The following VPS13D variants were observed in gnomAD, a reference collection of about 807,000 sequenced individuals.
VPS13D encodes intermembrane lipid transfer protein VPS13D.
In VPS13D, 187 loss-of-function variants were observed where a neutral mutation model predicts 461.9. That is an observed-to-expected ratio of 0.40 (90% CI 0.36 to 0.46). The LOEUF (loss-of-function observed/expected upper bound fraction) is 0.46. Ranked by LOEUF, VPS13D falls within the 20% of genes least tolerant of loss-of-function variation. The pLI is 0.60. For missense variants in VPS13D, 4,711 were observed against 5,364.9 expected, an observed-to-expected ratio of 0.88 and a Z score of 3.81; for synonymous variants, 1,951 against 1,986.3, an observed-to-expected ratio of 0.98 and a Z score of 0.47.
rs1230197113 is a variant in VPS13D, at chr1:12,400,974, A to G, written c.11785-634A>G. Reference sequence around the variant, plus strand: ...CACCTGCGCGCGCGCACACACACACACACACACACACACACACACACACAC... The same window carrying G: ...CACCTGCGCGCGCGCACACACACACGCACACACACACACACACACACACAC... On this transcript the variant is annotated intron_variant, in intron 61 of 69. Transcript: ENST00000620676. Among the ~76,000 whole-genome samples, 280 of 148,086 alleles carry G rather than the reference A, an allele frequency of 1.9e-3. 1 individual carries two copies. The highest frequency in any genetic ancestry group is 6.7e-3 in the African/African-American group (257 of 38,386).
chr1:12,445,079 C>G (rs2100356365), intron 65 of VPS13D, among the ~76,000 whole-genome samples: 1 of 152,202 alleles, frequency 6.6e-6, no homozygotes, highest in South Asian at 2.1e-4. Context: ...GATTCTTTTT[C>G]TTGGGATAGA....
At chr1:12,437,066 G>A (rs1645071517) in intron 65 of VPS13D, among the ~76,000 whole-genome samples, 1 of 152,168 alleles carries the variant, frequency 6.6e-6, no homozygotes, top group East Asian at 1.9e-4. Flanking sequence ...GTGTGTGTGT[G>A]GCGGCGGGAG....
At chr1:12,326,566 C>T (rs1438371184) in intron 35 of VPS13D, among the ~76,000 whole-genome samples, 2 of 151,744 alleles carry the variant, frequency 1.3e-5, no homozygotes, top group Non-Finnish European at 2.9e-5. Context: ...AAATTCCTGA[C>T]CTAAAGTGAT....
At chr1:12,478,988 G>T (rs1645674798) in intron 67 of VPS13D, 2 of 437,504 alleles carry the variant, frequency 4.6e-6, no homozygotes, top group African/African-American at 2.0e-5. Flanking sequence ...CCACAGCTAC[G>T]CCCAGGTGCT....
rs781364461 is a variant in VPS13D at position 12,327,744 on chromosome 1, T to G, written c.8087T>G (p.Val2696Gly). 1.2e-5 allele frequency: 19 copies of G among 1,614,056 alleles called. No individual in the cohort carries two copies. In the South Asian group the frequency reaches 2.0e-4, roughly 17 times the overall value. Residue 2696 changes from valine to glycine, a missense_variant, in exon 36 of 70, where the codon GTG becomes GGG. Around this residue, in one of 3 missense-constraint regions of VPS13D, gnomAD observed 4,411 missense variants for 4,937.8 expected, o/e 0.89. Transcript: ENST00000620676. ...ASTSRDSPGA[V>G]AAPLISGVEI... ...ACCAGCCGAGATAGCCCAGGGGCTG[T>G]GGCAGCGCCATTGATCTCTGGCGTG...
At chr1:12,393,282 G>A (rs1318152799) in intron 60 of VPS13D, among the ~76,000 whole-genome samples, 1 of 152,208 alleles carries the variant, frequency 6.6e-6, no homozygotes, top group Non-Finnish European at 1.5e-5. Flanking sequence ...AGCAATCAAG[G>A]TCTCTCCAAA....
At chr1:12,499,120 C>T (rs138542473) in intron 68 of VPS13D, among the ~76,000 whole-genome samples, 11 of 152,010 alleles carry the variant, frequency 7.2e-5, no homozygotes, top group Non-Finnish European at 1.3e-4. Context: ...GAACTTTTAG[C>T]CTTTGGATGG....
chr1:12,392,240 T>G (rs183952539), intron 60 of VPS13D, among the ~76,000 whole-genome samples: 1 of 152,086 alleles, frequency 6.6e-6, no homozygotes, highest in Admixed American at 6.5e-5. Context: ...ACCTGTAGTC[T>G]CAGCACTTTG....
chr1:12,266,786 A>G (rs546855067), intron 13 of VPS13D, 95 bp from the exon 14 acceptor site: 6 of 1,134,552 alleles, frequency 5.3e-6, no homozygotes, highest in East Asian at 5.7e-5. Context: ...TAGTTCATCT[A>G]TAATAATCTT....
chr1:12,417,663 A>G (rs1644812152), intron 65 of VPS13D, among the ~76,000 whole-genome samples: 1 of 152,186 alleles, frequency 6.6e-6, no homozygotes, highest in African/African-American at 2.4e-5. Context: ...TACCAAAGAG[A>G]TCTTTGTGGC....
In VPS13D at chr1:12,282,786, C is replaced by G. The variant is rs144045014; in HGVS notation, c.4684C>G (p.Pro1562Ala). The change falls in exon 21 of 70, where the codon CCA (proline) becomes GCA (alanine). Residue 1562 changes from proline to alanine, a missense_variant. Pro to Ala is a conservative substitution (Grantham distance 27). Coordinates refer to ENST00000620676, the MANE Select transcript of VPS13D (RefSeq NM_015378.4). Reference protein sequence around the residue: ...LVYSEDLNKYPASATSSPCPD... With the variant: ...LVYSEDLNKYAASATSSPCPD... ...GTACAGTGAAGATCTGAATAAGTAT[C>G]CAGCCAGTGCTACCTCCTCCCCTTG... The G allele has an allele frequency of 3.7e-6, 6 of 1,614,104 alleles. No individual in the cohort carries two copies. Among genetic ancestry groups the G allele is most frequent in the Non-Finnish European group, 3.4e-6 (4 of 1,180,018 alleles).
chr1:12,484,892 G>T (rs915669616), intron 67 of VPS13D, among the ~76,000 whole-genome samples: 1 of 152,086 alleles, frequency 6.6e-6, no homozygotes, highest in African/African-American at 2.4e-5. Flanking sequence ...GATGCCACAG[G>T]TTTCAAACTT....
At chr1:12,358,721 T>A (rs1447745380) in intron 50 of VPS13D, 120 bp downstream of exon 50, 1 of 1,271,508 alleles carries the variant, frequency 7.9e-7, no homozygotes, top group Non-Finnish European at 1.1e-6. Context: ...TTATTTGGCA[T>A]TGGGTCAGGT....
At chr1:12,367,809 G>C (rs1358822408) in intron 52 of VPS13D, 2 of 152,152 alleles carry the variant, frequency 1.3e-5, no homozygotes, top group African/African-American at 2.4e-5. Context: ...CAGTTTCGCT[G>C]TGTTAGCCAG....
At chr1:12,237,130 T>C (rs776821355) in intron 2 of VPS13D, among the ~76,000 whole-genome samples, 1 of 149,838 alleles carries the variant, frequency 6.7e-6, no homozygotes, top group Non-Finnish European at 1.5e-5. Context: ...TCTGTGTGTG[T>C]ATATATATGT....
chr1:12,323,517 A>G (rs1055733086), intron 34 of VPS13D, among the ~76,000 whole-genome samples, 189 bp from the exon 35 acceptor site: 1 of 152,000 alleles, frequency 6.6e-6, no homozygotes, highest in African/African-American at 2.4e-5. Flanking sequence ...CACAGTCAAT[A>G]TGAGGAAGAG....
chr1:12,321,989 A>T, intron 33 of VPS13D, 25 bp downstream of exon 33: 1 of 1,612,310 alleles, frequency 6.2e-7, no homozygotes, highest in South Asian at 1.1e-5. Context: ...TCTGTGCAAT[A>T]CGTTGATATG....
intron 65 of VPS13D, among the ~76,000 whole-genome samples, chr1:12,443,392 C>G (rs1161473152): frequency 6.6e-6 from 1 of 152,222 alleles, no homozygotes; most frequent in Non-Finnish European, 1.5e-5. Flanking sequence ...GACATTTGGA[C>G]TGTTCCAGTG....
In VPS13D at chr1:12,311,630, G is replaced by T; in HGVS notation, c.6822+5G>T. 1 of 1,613,914 alleles carries T rather than the reference G, an allele frequency of 6.2e-7. No individual in the cohort carries two copies. The highest frequency in any genetic ancestry group is 8.5e-7 in the Non-Finnish European group (1 of 1,179,868). ...TTACAAGATCCAAGAATTCATGTGAGTGAGACCTTATGTTCTTCTGTCACT... is the reference window on the plus strand; with the variant it reads ...TTACAAGATCCAAGAATTCATGTGATTGAGACCTTATGTTCTTCTGTCACT... On this transcript the variant is annotated splice_donor_5th_base_variant and intron_variant, in intron 28 of 69. Transcript: ENST00000620676.
Sources: gnomAD v4.1 joint callset for allele counts (sites outside exome capture counted in the v4.1 genomes callset) on GRCh38, gnomAD v4.1.1 for gene constraint, gnomAD v4.1.1 regional missense constraint, MANE v1.5 for transcripts, NCBI Gene and HGNC (gene_info 2026-07-23, HGNC 2026-07-21) for gene names.